Variants in TCF4 observed in about 807,000 individuals in gnomAD.
TCF4 encodes the protein SL3-3 enhancer factor 2.
A neutral mutation model predicts 82.1 loss-of-function variants in TCF4; 3 were observed. That is an observed-to-expected ratio of 0.04 (90% CI 0.02 to 0.09). The LOEUF (loss-of-function observed/expected upper bound fraction) is 0.09. TCF4 is among the 10% of genes least tolerant of loss of function. The pLI is 1.00. For synonymous variants in TCF4, 276 were observed against 309.6 expected (o/e 0.89, Z 1.14); for missense variants, 518 against 852.7 (o/e 0.61, Z 4.89).
chr18:55,619,005 G>C (rs527718675), intron 2 of TCF4, among the ~76,000 whole-genome samples: 1 of 151,996 alleles, frequency 6.6e-6, no homozygotes, highest in Non-Finnish European at 1.5e-5. Flanking sequence ...TTTGGTATCA[G>C]AGCAGTGCTG....
chr18:55,621,896 TTA>T (rs1184701876), intron 2 of TCF4, among the ~76,000 whole-genome samples: 21 of 104,740 alleles, frequency 2.0e-4, no homozygotes, highest in African/African-American at 7.7e-4. Flanking sequence ...ACATTATATA[TTA>T]TATATACACT....
At chr18:55,364,936 G>C (rs2086453261) in intron 6 of TCF4, among the ~76,000 whole-genome samples, 1 of 151,744 alleles carries the variant, frequency 6.6e-6, no homozygotes, top group Non-Finnish European at 1.5e-5. Context: ...GAGGCAGGCA[G>C]ATCACAAGGT....
chr18:55,373,690 G>C (rs1055644129), intron 6 of TCF4, among the ~76,000 whole-genome samples: 1 of 152,008 alleles, frequency 6.6e-6, no homozygotes, highest in African/African-American at 2.4e-5. Flanking sequence ...GCACATGCTT[G>C]TGATCCCAGC....
chr18:55,531,994 T>G (rs1045413931), intron 3 of TCF4, among the ~76,000 whole-genome samples: 1 of 152,198 alleles, frequency 6.6e-6, no homozygotes, highest in South Asian at 2.1e-4. Context: ...AGGATGCAAA[T>G]GTACCAAATT....
At position 55,479,974 on chromosome 18, in the gene TCF4, G is replaced by A. The variant is rs571635742; in HGVS notation, c.146-15837C>T. 1.3e-3 allele frequency among the ~76,000 whole-genome samples: 193 copies of A among 152,240 alleles called. 1 individual carries two copies. The highest frequency in any genetic ancestry group is 4.4e-3 in the African/African-American group (184 of 41,546). ...CTATCCTTCTTTCCCTTTCAGACTT[G>A]TTTTCCCCTCTTAGCATTTCCTCCC... On this transcript the variant is annotated intron_variant, in intron 3 of 19. Transcript: ENST00000354452.
At chr18:55,377,141 G>A (rs746801216) in intron 6 of TCF4, among the ~76,000 whole-genome samples, 9 of 152,192 alleles carry the variant, frequency 5.9e-5, no homozygotes, top group Non-Finnish European at 1.3e-4. Flanking sequence ...AACATGTTAT[G>A]ACTGAGTCAA....
intron 3 of TCF4, among the ~76,000 whole-genome samples, chr18:55,545,147 C>T (rs2097195107): frequency 6.6e-6 from 1 of 152,200 alleles, no homozygotes; most frequent in Admixed American, 6.5e-5. Flanking sequence ...GTTGCCTCAT[C>T]TGCAAAACAG....
chr18:55,311,361 A>C (rs1357535960), intron 8 of TCF4, among the ~76,000 whole-genome samples: 1 of 152,184 alleles, frequency 6.6e-6, no homozygotes, highest in Non-Finnish European at 1.5e-5. Context: ...CACGCTGTTA[A>C]GATGTTTAGT....
At chr18:55,433,812 T>C (rs2095262319) in intron 5 of TCF4, among the ~76,000 whole-genome samples, 1 of 152,172 alleles carries the variant, frequency 6.6e-6, no homozygotes, top group Non-Finnish European at 1.5e-5. Context: ...CAAGCCTCCT[T>C]GGTTTTATGA....
chr18:55,613,335 AT>A (rs943754006), intron 2 of TCF4, among the ~76,000 whole-genome samples: 1 of 151,620 alleles, frequency 6.6e-6, no homozygotes, highest in African/African-American at 2.4e-5. Context: ...AATAGTTGGG[AT>A]TTTTTTTGGA....
At chr18:55,235,118 GA>G (rs1454857433) in intron 15 of TCF4, among the ~76,000 whole-genome samples, 1 of 152,020 alleles carries the variant, frequency 6.6e-6, no homozygotes, top group Non-Finnish European at 1.5e-5. Flanking sequence ...CATTTCAGGG[GA>G]TAAGATTCTC....
chr18:55,280,820 T>C (rs1017665896), intron 8 of TCF4, among the ~76,000 whole-genome samples: 8 of 151,986 alleles, frequency 5.3e-5, no homozygotes, highest in African/African-American at 1.7e-4. Flanking sequence ...CCAGAAAAAT[T>C]ATATAATTGC....
At chr18:55,253,492 T>C (rs1480297897) in intron 15 of TCF4, among the ~76,000 whole-genome samples, 1 of 152,156 alleles carries the variant, frequency 6.6e-6, no homozygotes, top group Non-Finnish European at 1.5e-5. Flanking sequence ...ACCTCATTAA[T>C]TGTCATCACT....
At chr18:55,320,991 A>C (rs1015773163) in intron 8 of TCF4, 3 of 152,650 alleles carry the variant, frequency 2.0e-5, no homozygotes, top group Non-Finnish European at 4.4e-5. Context: ...AAGGGGGGGA[A>C]ATTGAGGGAA....
At chr18:55,340,878 A>C (rs1287188246) in intron 8 of TCF4, among the ~76,000 whole-genome samples, 1 of 152,208 alleles carries the variant, frequency 6.6e-6, no homozygotes, top group Non-Finnish European at 1.5e-5. Context: ...TATTTTACAA[A>C]TAACTGTGTA....
chr18:55,228,082 A>G, intron 19 of TCF4, 52 bp from the exon 20 acceptor site: 1 of 1,109,200 alleles, frequency 9.0e-7, no homozygotes, highest in Non-Finnish European at 1.3e-6. Flanking sequence ...TGTAACAGAA[A>G]AAGTATGCTT....
Position 55,223,396 on chromosome 18 carries a change from G to A in TCF4, c.*4639C>T, listed in dbSNP as rs534995951. On this transcript the variant is annotated 3_prime_UTR_variant, in exon 20 of 20. Coordinates refer to ENST00000354452, the MANE Select transcript of TCF4 (RefSeq NM_001083962.2). Reference sequence around the variant, plus strand: ...ATATAGATGCGTTTTACTTACAGAAGAGAATCATAGCTATATGGACAATGC... The same window carrying A: ...ATATAGATGCGTTTTACTTACAGAAAAGAATCATAGCTATATGGACAATGC... The A allele has an allele frequency of 7.9e-5, 12 of 152,732 alleles. No individual in the cohort carries two copies. The highest frequency in any genetic ancestry group is 2.9e-4 in the African/African-American group (12 of 41,572). 9.5% of individuals were successfully genotyped at this position (152,732 alleles called of 1,614,324 possible).
intron 8 of TCF4, chr18:55,321,550 G>T: frequency 7.2e-7 from 1 of 1,379,936 alleles, no homozygotes; most frequent in South Asian, 1.2e-5. Context: ...ATATTTCATG[G>T]CACCCAGGAA....
Position 55,449,230 on chromosome 18 carries a change from A to G in TCF4, c.304+11789T>C, listed in dbSNP as rs541296761. Among the ~76,000 whole-genome samples, 32 of 152,240 alleles carry G rather than the reference A, an allele frequency of 2.1e-4. 1 individual carries two copies. In the South Asian group the frequency reaches 5.2e-3, roughly 25 times the overall value. On this transcript the variant is annotated intron_variant, in intron 5 of 19. Coordinates refer to ENST00000354452, the MANE Select transcript of TCF4 (RefSeq NM_001083962.2). ...GGTTTTTTTTTCCTGGTTTTTCTCT[A>G]GCTAACAGGGATCATCCACAGCTAC...
Sources: gnomAD v4.1 joint callset for allele counts (sites outside exome capture counted in the v4.1 genomes callset) on GRCh38, gnomAD v4.1.1 for gene constraint, MANE v1.5 for transcripts, NCBI Gene and HGNC (gene_info 2026-07-23, HGNC 2026-07-21) for gene names.